Variants in UBE2V2 observed in about 807,000 individuals in gnomAD.
UBE2V2 encodes ubiquitin conjugating enzyme E2 V2.
In UBE2V2, 9 loss-of-function variants were observed where a neutral mutation model predicts 17.2. That is an observed-to-expected ratio of 0.52 (90% CI 0.32 to 0.91). UBE2V2 has a LOEUF of 0.91. Ranked by LOEUF, UBE2V2 falls within the 40% of genes least tolerant of loss-of-function variation. UBE2V2 has a pLI of 0.04. For missense variants in UBE2V2, 133 were observed against 182.6 expected (o/e 0.73, Z 1.56); for synonymous variants, 61 against 57.5 (o/e 1.06, Z -0.28).
chr8:48,024,424 C>T (rs549399495), intron 1 of UBE2V2, among the ~76,000 whole-genome samples: 37 of 152,078 alleles, frequency 2.4e-4, no homozygotes, highest in Admixed American at 8.5e-4. Context: ...GGAGAAACCC[C>T]GTCTCTACTG....
In UBE2V2 at chr8:48,008,477, T is replaced by A. The variant is rs772330127; in HGVS notation, c.16+7T>A. On this transcript the variant is annotated splice_region_variant and intron_variant, in intron 1 of 3. Coordinates refer to ENST00000523111, the MANE Select transcript of UBE2V2 (RefSeq NM_003350.3). ...AAGATGGCGGTCTCCACAGGTCGGT[T>A]CCCGGGCCGGGCTGCGTGATTTTCC... 3.2e-6 allele frequency: 5 copies of A among 1,567,226 alleles called. No homozygotes were observed. The highest frequency in any genetic ancestry group is 1.8e-5 in the Admixed American group (1 of 54,156).
At chr8:48,036,781 A>G (rs554787360) in intron 1 of UBE2V2, among the ~76,000 whole-genome samples, 2 of 152,150 alleles carry the variant, frequency 1.3e-5, no homozygotes, top group South Asian at 2.1e-4. Flanking sequence ...TATTTTACAT[A>G]TTTTGTGGGG....
chr8:48,062,381 CAGG>C lies in UBE2V2; in HGVS notation c.*1556_*1558del, dbSNP rs1802607955. ...CTGAGACGGGCAGATCACTTGAGGT[CAGG>C]AGCTTGAGACCAGCCTGGCCAACAT... On this transcript the variant is annotated 3_prime_UTR_variant, in exon 4 of 4. Transcript: ENST00000523111. The C allele has an allele frequency of 1.3e-5, 2 of 152,144 alleles. No individual in the cohort carries two copies. Among genetic ancestry groups the C allele is most frequent in the African/African-American group, 4.8e-5 (2 of 41,416 alleles). 9.4% of individuals were successfully genotyped at this position (152,144 alleles called of 1,614,324 possible).
At chr8:48,008,392 C>T (rs774692259), upstream of UBE2V2, 38 of 1,548,252 alleles carry the variant, frequency 2.5e-5, no homozygotes, top group Non-Finnish European at 3.1e-5. Flanking sequence ...CGGCGCGCTC[C>T]CGGAAGTGAC....
At chr8:48,036,336 A>T (rs56171381) in intron 1 of UBE2V2, among the ~76,000 whole-genome samples, 63,834 of 151,856 alleles carry the variant, frequency 0.42, 16,747 homozygotes, top group East Asian at 0.71. Flanking sequence ...GGAATATTAA[A>T]GGAGGAGGAA....
chr8:48,048,671 A>G (rs1275433773), intron 2 of UBE2V2, among the ~76,000 whole-genome samples: 3 of 152,064 alleles, frequency 2.0e-5, no homozygotes, highest in African/African-American at 7.3e-5. Context: ...AATAACATAC[A>G]TATAACATTG....
chr8:48,046,671 C>G (rs963080522), intron 2 of UBE2V2, among the ~76,000 whole-genome samples: 1 of 152,142 alleles, frequency 6.6e-6, no homozygotes, highest in East Asian at 1.9e-4. Context: ...CCGATCACAC[C>G]TCACAGCCTG....
At position 48,060,670 on chromosome 8, in the gene UBE2V2, C is replaced by A; in HGVS notation, c.292-12C>A. 1 of 1,457,110 alleles carries A rather than the reference C, an allele frequency of 6.9e-7. No homozygotes were observed. The highest frequency in any genetic ancestry group is 9.1e-7 in the Non-Finnish European group (1 of 1,103,062). 90.3% of individuals were successfully genotyped at this position (1,457,110 alleles called of 1,614,324 possible). A position where few individuals can be genotyped will look rare whatever the true frequency, so the allele number is the denominator to read the frequency against. ...ACTTGCTAGTTAACTGTACTCTTTC[C>A]TCCCCTTTCAGGTGGATGCCCGGAG... is the stretch of plus-strand genomic sequence containing the variant. On this transcript the variant is annotated splice_polypyrimidine_tract_variant and intron_variant, in intron 3 of 3. Coordinates refer to ENST00000523111, the MANE Select transcript of UBE2V2 (RefSeq NM_003350.3).
chr8:48,019,075 AC>A (rs912231482), intron 1 of UBE2V2, among the ~76,000 whole-genome samples: 1 of 152,054 alleles, frequency 6.6e-6, no homozygotes, highest in African/African-American at 2.4e-5. Context: ...TATTAAAAAT[AC>A]AAAAATTGGA....
intron 1 of UBE2V2, among the ~76,000 whole-genome samples, chr8:48,034,516 GT>G (rs1439780914): frequency 2.0e-5 from 3 of 151,642 alleles, no homozygotes; most frequent in Non-Finnish European, 4.4e-5. Context: ...ATACATGAGA[GT>G]TTTTTTTAGA....
intron 1 of UBE2V2, among the ~76,000 whole-genome samples, chr8:48,020,138 A>G (rs2091295111): frequency 6.6e-6 from 1 of 151,342 alleles, no homozygotes; most frequent in Admixed American, 6.6e-5. Context: ...TATTGAGATC[A>G]GTGATTTTCC....
intron 1 of UBE2V2, among the ~76,000 whole-genome samples, chr8:48,014,472 T>C (rs1011077739): frequency 4.0e-5 from 6 of 150,748 alleles, no homozygotes; most frequent in African/African-American, 7.3e-5. Context: ...AGTGAAACCC[T>C]ATCTCTACTA....
chr8:48,032,387 T>A (rs143271739), intron 1 of UBE2V2, among the ~76,000 whole-genome samples: 5 of 152,166 alleles, frequency 3.3e-5, no homozygotes, highest in African/African-American at 1.2e-4. Flanking sequence ...TATATAAATA[T>A]AGTTTTTAGT....
At chr8:48,035,867 G>A (rs1261977025) in intron 1 of UBE2V2, among the ~76,000 whole-genome samples, 1 of 150,296 alleles carries the variant, frequency 6.7e-6, no homozygotes, top group Admixed American at 6.6e-5. Context: ...CTGTAGCCTG[G>A]GTGACAGAGT....
chr8:48,021,661 G>C (rs954007532), intron 1 of UBE2V2, among the ~76,000 whole-genome samples: 3 of 151,508 alleles, frequency 2.0e-5, no homozygotes, highest in South Asian at 2.1e-4. Flanking sequence ...CAAAGTGCTG[G>C]GATTACAGGT....
chr8:48,012,585 G>C (rs1344531135), intron 1 of UBE2V2, among the ~76,000 whole-genome samples: 2 of 151,846 alleles, frequency 1.3e-5, no homozygotes, highest in African/African-American at 4.8e-5. Flanking sequence ...GGGCGTGGTG[G>C]CACATGCCTG....
chr8:48,038,303 G>C (rs2091438022), intron 1 of UBE2V2, among the ~76,000 whole-genome samples: 1 of 151,988 alleles, frequency 6.6e-6, no homozygotes, highest in Non-Finnish European at 1.5e-5. Context: ...TCAATATCCT[G>C]ATTTTTATTA....
chr8:48,056,525 A>C (rs1365824197), intron 3 of UBE2V2, among the ~76,000 whole-genome samples: 3 of 152,180 alleles, frequency 2.0e-5, no homozygotes, highest in African/African-American at 7.2e-5. Context: ...AATAAAAAGC[A>C]AGAAATTAAA....
At chr8:48,014,691 T>G (rs2091256485) in intron 1 of UBE2V2, among the ~76,000 whole-genome samples, 1 of 148,048 alleles carries the variant, frequency 6.8e-6, no homozygotes, top group African/African-American at 2.5e-5. Context: ...ACCAGTAAAA[T>G]TAATATTTAG....
Sources: gnomAD v4.1 joint callset for allele counts (sites outside exome capture counted in the v4.1 genomes callset) on GRCh38, gnomAD v4.1.1 for gene constraint, MANE v1.5 for transcripts, NCBI Gene and HGNC (gene_info 2026-07-23, HGNC 2026-07-21) for gene names.